The following DSCAML1 variants were observed in gnomAD, a reference collection of about 807,000 sequenced individuals.
DSCAML1 encodes DS cell adhesion molecule like 1.
A neutral mutation model predicts 200.5 loss-of-function variants in DSCAML1; 38 were observed. That is an observed-to-expected ratio of 0.19 (90% CI 0.15 to 0.25). The LOEUF (loss-of-function observed/expected upper bound fraction) is 0.25, where lower values mean the gene tolerates loss of function less well. Among genes scored for constraint, DSCAML1 ranks in the 10% least tolerant of loss-of-function variants. The probability of loss-of-function intolerance (pLI) is 1.00; values close to 1 mark genes in which losing one functional copy is unlikely to be tolerated. For synonymous variants in DSCAML1, 1,215 were observed against 1,165.0 expected (o/e 1.04, Z -0.87); for missense variants, 2,223 against 2,858.8 (o/e 0.78, Z 5.07).
At chr11:117,545,694 G>T (rs746043408) in intron 3 of DSCAML1, among the ~76,000 whole-genome samples, 10 of 152,112 alleles carry the variant, frequency 6.6e-5, no homozygotes, top group Non-Finnish European at 1.5e-4. Flanking sequence ...GGGCATCAGG[G>T]GCCAGGAGCT....
upstream of DSCAML1, among the ~76,000 whole-genome samples, chr11:117,799,016 C>A (rs1344549388): frequency 6.6e-6 from 1 of 152,132 alleles, no homozygotes; most frequent in African/African-American, 2.4e-5. Context: ...TGAGATGACC[C>A]AGACCGATCT....
intron 3 of DSCAML1, among the ~76,000 whole-genome samples, chr11:117,586,248 C>G (rs2051138939): frequency 6.6e-6 from 1 of 151,960 alleles, no homozygotes; most frequent in African/African-American, 2.4e-5. Flanking sequence ...TCCATCTTAA[C>G]CCCCTCCTCC....
At chr11:117,544,510 G>A (rs139665728) in intron 3 of DSCAML1, among the ~76,000 whole-genome samples, 11 of 152,264 alleles carry the variant, frequency 7.2e-5, no homozygotes, top group East Asian at 1.9e-4. Context: ...AAGTCAAGGC[G>A]GACTCTGCAG....
At chr11:117,561,984 G>A (rs953280004) in intron 3 of DSCAML1, among the ~76,000 whole-genome samples, 3 of 152,238 alleles carry the variant, frequency 2.0e-5, no homozygotes, top group African/African-American at 4.8e-5. Flanking sequence ...AGAAGTCCAG[G>A]AGGAACATGT....
intron 3 of DSCAML1, among the ~76,000 whole-genome samples, chr11:117,707,331 C>T (rs1286802409): frequency 6.6e-6 from 1 of 152,182 alleles, no homozygotes; most frequent in Non-Finnish European, 1.5e-5. Flanking sequence ...TTCCTGGCTC[C>T]CAAAGATAAG....
At chr11:117,456,626 G>T (rs1403663699) in intron 19 of DSCAML1, among the ~76,000 whole-genome samples, 1 of 151,242 alleles carries the variant, frequency 6.6e-6, no homozygotes, top group Non-Finnish European at 1.5e-5. Context: ...TGTGGCCTGG[G>T]CTTCCCCTTG....
chr11:117,504,834 G>T lies in DSCAML1; in HGVS notation c.2182+90C>A, dbSNP rs1179052273. The T allele has an allele frequency of 1.4e-6, 2 of 1,481,298 alleles. No individual in the cohort carries two copies. The highest frequency in any genetic ancestry group is 2.0e-5 in the Admixed American group (1 of 49,122). The allele number at this position is 1,481,298 out of a possible 1,614,324, so 91.8% of individuals were successfully genotyped here. ...GGACTCCCATCCAGGGATAGGAGTT[G>T]CCTGCATGGAACAGGTTCAAATCCC... On this transcript the variant is annotated intron_variant, in intron 10 of 32. Transcript: ENST00000651296. The surrounding 1 kb of genome is among the most constrained non-coding windows in gnomAD (Gnocchi z 5.0).
At chr11:117,439,991 G>T in intron 21 of DSCAML1, 55 bp from the exon 22 acceptor site, 1 of 1,479,780 alleles carries the variant, frequency 6.8e-7, no homozygotes, top group East Asian at 2.3e-5. Context: ...ACAATATCCT[G>T]GCCTCCTTCC....
chr11:117,434,484 T>TGTCATCCATCGATCTATCAGAATA (rs2047869230), intron 27 of DSCAML1, among the ~76,000 whole-genome samples: 1 of 151,918 alleles, frequency 6.6e-6, no homozygotes, highest in African/African-American at 2.4e-5. Flanking sequence ...CCATCCATCT[T>TGTCATCCATCGATCTATCAGAATA]GTCATCCATC....
At chr11:117,495,872 A>G (rs1246363747) in intron 11 of DSCAML1, among the ~76,000 whole-genome samples, 3 of 152,126 alleles carry the variant, frequency 2.0e-5, no homozygotes, top group African/African-American at 4.8e-5. Flanking sequence ...TTCCATGCTC[A>G]AGATCTTAAT....
chr11:117,708,388 G>A (rs770536683), intron 3 of DSCAML1, among the ~76,000 whole-genome samples: 4 of 152,162 alleles, frequency 2.6e-5, no homozygotes, highest in African/African-American at 2.4e-5. Context: ...AATCTCAAAC[G>A]ATCTTAGGAA....
At chr11:117,673,872 G>A (rs762118011) in intron 3 of DSCAML1, among the ~76,000 whole-genome samples, 1 of 152,238 alleles carries the variant, frequency 6.6e-6, no homozygotes, top group East Asian at 1.9e-4. Flanking sequence ...GGCTGCCCTG[G>A]AACTCAGCGT....
At chr11:117,724,924 C>A (rs558793715) in intron 3 of DSCAML1, among the ~76,000 whole-genome samples, 42 of 152,128 alleles carry the variant, frequency 2.8e-4, no homozygotes, top group South Asian at 6.2e-4. Flanking sequence ...CCAGGTTAGA[C>A]CTGAACTCAT....
Position 117,797,213 on chromosome 11 carries a change from G to A in DSCAML1, c.-134C>T, listed in dbSNP as rs774055989. Reference sequence around the variant, plus strand: ...CTCTCTGCTCCTCAGCCCAGCGCTCGGCTGCGGCGGCGGCTCCTCCCTCCT... The same window carrying A: ...CTCTCTGCTCCTCAGCCCAGCGCTCAGCTGCGGCGGCGGCTCCTCCCTCCT... On this transcript the variant is annotated 5_prime_UTR_variant, in exon 1 of 33. Coordinates refer to ENST00000651296, the MANE Select transcript of DSCAML1 (RefSeq NM_020693.4). The A allele has an allele frequency of 8.1e-5, 121 of 1,493,804 alleles. 1 individual carries two copies. The Admixed American group carries it at 1.6e-3, about 20-fold the overall frequency. 92.5% of individuals were successfully genotyped at this position (1,493,804 alleles called of 1,614,324 possible).
chr11:117,633,750 C>T (rs889547276), intron 3 of DSCAML1, among the ~76,000 whole-genome samples: 27 of 152,222 alleles, frequency 1.8e-4, no homozygotes, highest in African/African-American at 5.8e-4. Flanking sequence ...CTGTTCGAAA[C>T]GCAGCACGGC....
intron 3 of DSCAML1, among the ~76,000 whole-genome samples, chr11:117,544,277 C>T (rs1291804746): frequency 6.6e-6 from 1 of 152,196 alleles, no homozygotes; most frequent in Non-Finnish European, 1.5e-5. Context: ...GTTGCTGCTC[C>T]ATGCAATACA....
chr11:117,760,821 A>T (rs970250581), intron 3 of DSCAML1, among the ~76,000 whole-genome samples: 42 of 152,326 alleles, frequency 2.8e-4, no homozygotes, highest in East Asian at 1.9e-4. Context: ...AAACTGGACC[A>T]ATCTGGAAGG....
chr11:117,559,535 G>A (rs2050622958), intron 3 of DSCAML1, among the ~76,000 whole-genome samples: 1 of 152,158 alleles, frequency 6.6e-6, no homozygotes, highest in Non-Finnish European at 1.5e-5. Context: ...TTTCTGAAAT[G>A]TACCCTTCCT....
chr11:117,630,228 G>A (rs990067751), intron 3 of DSCAML1, among the ~76,000 whole-genome samples: 8 of 152,194 alleles, frequency 5.3e-5, no homozygotes, highest in Non-Finnish European at 1.0e-4. Context: ...CTCACCTGCT[G>A]GAGGGAGGAG....
Sources: gnomAD v4.1 joint callset for allele counts (sites outside exome capture counted in the v4.1 genomes callset) on GRCh38, gnomAD v4.1.1 for gene constraint, Gnocchi (gnomAD v3.1) non-coding constraint, MANE v1.5 for transcripts, NCBI Gene and HGNC (gene_info 2026-07-23, HGNC 2026-07-21) for gene names.